Variants in ZNF407 observed in about 807,000 individuals in gnomAD.
ZNF407 encodes zinc finger protein 407.
A neutral mutation model predicts 131.2 loss-of-function variants in ZNF407; 17 were observed. That is an observed-to-expected ratio of 0.13 (90% CI 0.09 to 0.19). ZNF407 has a LOEUF of 0.19. Among genes scored for constraint, ZNF407 ranks in the 10% least tolerant of loss-of-function variants. The pLI is 1.00. For synonymous variants in ZNF407, 1,156 were observed against 1,062.0 expected, an observed-to-expected ratio of 1.09 and a Z score of -1.72; for missense variants, 2,681 against 2,830.6, an observed-to-expected ratio of 0.95 and a Z score of 1.20.
intron 8 of ZNF407, among the ~76,000 whole-genome samples, chr18:74,968,221 T>C (rs573019885): frequency 6.6e-6 from 1 of 152,336 alleles, no homozygotes; most frequent in South Asian, 2.1e-4. Flanking sequence ...CCTATCCCAG[T>C]CTCATATTCA....
intron 7 of ZNF407, chr18:74,905,754 C>G (rs1404796068): frequency 6.6e-6 from 1 of 152,180 alleles, no homozygotes; most frequent in Non-Finnish European, 1.5e-5. Flanking sequence ...AGTAAATGAT[C>G]TAATGGAAAT....
At chr18:74,828,064 C>T (rs1048088577) in intron 4 of ZNF407, among the ~76,000 whole-genome samples, 1 of 152,162 alleles carries the variant, frequency 6.6e-6, no homozygotes. Flanking sequence ...CCGCTGCTTC[C>T]GCACTGCCTT....
At chr18:74,604,108 A>G (rs1435915550) in intron 1 of ZNF407, among the ~76,000 whole-genome samples, 1 of 152,202 alleles carries the variant, frequency 6.6e-6, no homozygotes, top group Non-Finnish European at 1.5e-5. Flanking sequence ...AATGAAAACC[A>G]TGGAAGTTCA....
chr18:74,632,576 G>A lies in ZNF407; in HGVS notation c.1557G>A (p.Lys519=). The A allele has an allele frequency of 6.2e-7, 1 of 1,614,026 alleles. No individual in the cohort carries two copies. The highest frequency in any genetic ancestry group is 1.6e-4 in the Middle Eastern group (1 of 6,062). ...PDSGLHSLTV[K]PASGSQTLCA... ...CCGGGCTGCATTCCCTGACAGTGAA[G>A]CCAGCTTCTGGCTCTCAGACGTTGT... The change falls in exon 2 of 9, where the codon AAG becomes AAA. Residue 519 remains lysine, a synonymous_variant. Coordinates refer to ENST00000299687, the MANE Select transcript of ZNF407 (RefSeq NM_017757.3).
intron 6 of ZNF407, among the ~76,000 whole-genome samples, chr18:74,885,039 C>T (rs562723856): frequency 3.9e-4 from 60 of 152,238 alleles, no homozygotes; most frequent in African/African-American, 1.4e-3. Context: ...AATAAGGAGA[C>T]ATCAGAATAT....
intron 7 of ZNF407, among the ~76,000 whole-genome samples, chr18:74,895,211 G>C (rs1971437562): frequency 1.4e-5 from 2 of 144,406 alleles, no homozygotes; most frequent in South Asian, 4.4e-4. Flanking sequence ...ATCTTAAGAG[G>C]TTTTTTTTTT....
chr18:74,687,863 T>G (rs1967130959), intron 3 of ZNF407, among the ~76,000 whole-genome samples: 1 of 152,196 alleles, frequency 6.6e-6, no homozygotes, highest in African/African-American at 2.4e-5. Context: ...AATGATTTTT[T>G]TACCTTATAT....
At chr18:74,601,135 G>A (rs925545493) in intron 1 of ZNF407, among the ~76,000 whole-genome samples, 2 of 152,144 alleles carry the variant, frequency 1.3e-5, no homozygotes, top group East Asian at 3.9e-4. Flanking sequence ...CGGGTGACTG[G>A]GTGGAGCCTG....
At chr18:74,949,484 G>A (rs1972189742) in intron 8 of ZNF407, among the ~76,000 whole-genome samples, 1 of 152,118 alleles carries the variant, frequency 6.6e-6, no homozygotes, top group South Asian at 2.1e-4. Context: ...CTCTTTCATG[G>A]TTTTCATTTG....
Position 74,881,089 on chromosome 18 carries a change from G to C in ZNF407, c.5098G>C (p.Ala1700Pro). ...CGGCTTTGCCGGCGGGACCCGCCAC[G>C]CCCTCACCAAGCATCGCAGACAGCA... ...LCGFAGGTRH[A>P]LTKHRRQHTG... The change falls in exon 6 of 9, where the codon GCC becomes CCC. Residue 1700 changes from alanine (A) to proline (P), a missense_variant. Ala to Pro is a conservative substitution (Grantham distance 27, BLOSUM62 -1). Around this residue, in one of 6 missense-constraint regions of ZNF407, gnomAD observed 213 missense variants for 332.2 expected, o/e 0.64. Coordinates refer to ENST00000299687, the MANE Select transcript of ZNF407 (RefSeq NM_017757.3). 6.3e-7 allele frequency: 1 copy of C among 1,581,394 alleles called. No homozygotes were observed. Among genetic ancestry groups the C allele is most frequent in the South Asian group, 1.2e-5 (1 of 86,954 alleles).
At chr18:74,931,995 T>G (rs1472247376) in intron 8 of ZNF407, among the ~76,000 whole-genome samples, 1 of 152,232 alleles carries the variant, frequency 6.6e-6, no homozygotes, top group Non-Finnish European at 1.5e-5. Flanking sequence ...TTTTTCCGCC[T>G]CTTAACAGTG....
intron 3 of ZNF407, among the ~76,000 whole-genome samples, chr18:74,767,325 T>C (rs1160986302): frequency 6.6e-6 from 1 of 152,214 alleles, no homozygotes; most frequent in Non-Finnish European, 1.5e-5. Flanking sequence ...TCTTAATTGA[T>C]AACTTCTGCA....
Position 74,635,114 on chromosome 18 carries a change from C to T in ZNF407, c.4095C>T (p.Asn1365=). ...ACTCCTCCATAATAAGAATAAAGAA[C>T]CCTGAAGATGGTGAGTTGATAGACC... ...RFDSSIIRIK[N]PEDGELIDQS... is the part of the protein sequence containing the mutation. Residue 1365 remains asparagine (N), a synonymous_variant, in exon 2 of 9, where the codon AAC becomes AAT. Transcript: ENST00000299687. This position sits in a 1 kb window ranked among gnomAD's most constrained non-coding sequence, Gnocchi z 4.7. 5 of 1,613,884 alleles carry T rather than the reference C, an allele frequency of 3.1e-6. No individual in the cohort carries two copies. Among genetic ancestry groups the T allele is most frequent in the Non-Finnish European group, 3.4e-6 (4 of 1,179,866 alleles).
intron 3 of ZNF407, among the ~76,000 whole-genome samples, chr18:74,734,671 TTGTG>T (rs200073035): frequency 0.011 from 1,499 of 138,894 alleles, 11 homozygotes; most frequent in Middle Eastern, 0.018. Context: ...GAGTTTCAAT[TTGTG>T]TGTGTGTGTG....
chr18:74,902,927 A>G (rs1221468398), intron 7 of ZNF407, among the ~76,000 whole-genome samples: 1 of 152,128 alleles, frequency 6.6e-6, no homozygotes, highest in Non-Finnish European at 1.5e-5. Flanking sequence ...CTACCTCTCC[A>G]TGGGATGGAT....
intron 3 of ZNF407, among the ~76,000 whole-genome samples, chr18:74,717,052 A>T (rs1339490537): frequency 6.6e-6 from 1 of 152,168 alleles, no homozygotes; most frequent in African/African-American, 2.4e-5. Flanking sequence ...AAAAACAAAA[A>T]ATATATATAC....
At chr18:74,913,382 A>T (rs115251376) in intron 7 of ZNF407, among the ~76,000 whole-genome samples, 1,631 of 152,220 alleles carry the variant, frequency 0.011, 22 homozygotes, top group African/African-American at 0.036. Context: ...TAAAAAGGAG[A>T]AAAGAAGGTA....
intron 8 of ZNF407, among the ~76,000 whole-genome samples, chr18:75,021,846 A>G (rs1973114463): frequency 6.6e-6 from 1 of 152,058 alleles, no homozygotes; most frequent in South Asian, 2.1e-4. Context: ...ATTAATAGAT[A>G]TAACTATATA....
chr18:74,984,829 A>T (rs905263356), intron 8 of ZNF407, among the ~76,000 whole-genome samples: 1 of 151,912 alleles, frequency 6.6e-6, no homozygotes, highest in Non-Finnish European at 1.5e-5. Context: ...TGTGATTAAC[A>T]AAGTATCACA....
Sources: allele counts gnomAD v4.1 joint callset (sites outside exome capture counted in the v4.1 genomes callset), GRCh38; gene constraint gnomAD v4.1.1; regional missense constraint gnomAD v4.1.1; non-coding constraint Gnocchi (gnomAD v3.1); transcripts MANE v1.5; gene names NCBI Gene and HGNC (gene_info 2026-07-23, HGNC 2026-07-21).